PGR: variants seen among roughly 807,000 people sequenced by gnomAD.
PGR encodes progesterone receptor.
Under a neutral mutation model 76.1 loss-of-function variants are expected in PGR, and 25 were observed. That is an observed-to-expected ratio of 0.33 (90% CI 0.24 to 0.46). The LOEUF (loss-of-function observed/expected upper bound fraction) is 0.46. Ranked by LOEUF, PGR falls within the 20% of genes least tolerant of loss-of-function variation. The pLI is 1.00. For missense variants in PGR, 1,172 were observed against 1,225.3 expected (o/e 0.96, Z 0.65); for synonymous variants, 579 against 535.0 (o/e 1.08, Z -1.14).
In PGR at chr11:101,065,868, T is replaced by C. The variant is rs140588354; in HGVS notation, c.1907-3116A>G. 7.2e-5 allele frequency among the ~76,000 whole-genome samples: 11 copies of C among 151,872 alleles called. 1 individual carries two copies. The highest frequency in any genetic ancestry group is 2.7e-4 in the African/African-American group (11 of 41,416). On this transcript the variant is annotated intron_variant, in intron 3 of 7. Transcript: ENST00000325455. Reference sequence around the variant, plus strand: ...AGCTGATGGATGAGGTTTTGAGGGATTGAATCAGAAGCAGAGGTAATGATT... The same window carrying C: ...AGCTGATGGATGAGGTTTTGAGGGACTGAATCAGAAGCAGAGGTAATGATT...
chr11:101,081,298 A>G (rs1341273181), intron 3 of PGR, among the ~76,000 whole-genome samples: 1 of 151,934 alleles, frequency 6.6e-6, no homozygotes, highest in Non-Finnish European at 1.5e-5. Flanking sequence ...ACACGGTGGC[A>G]GGCACCTGTA....
intron 4 of PGR, among the ~76,000 whole-genome samples, chr11:101,058,905 C>T (rs1343686284): frequency 2.0e-5 from 3 of 152,114 alleles, no homozygotes; most frequent in Admixed American, 2.0e-4. Context: ...CTCCCGAAGG[C>T]CAGTACTTAC....
chr11:101,056,244 A>AC (rs1565335587), intron 4 of PGR, among the ~76,000 whole-genome samples: 4 of 14,394 alleles, frequency 2.8e-4, no homozygotes, highest in Non-Finnish European at 4.5e-4. Context: ...AAAAAAAAAA[A>AC]CACTTTTCCT....
chr11:101,033,296 G>A lies in PGR; in HGVS notation c.*5820C>T, dbSNP rs1186954750. ...TTCTACCTTATGGAGAACAAGCAGAGCCACATCTCTGTTTCAACAAGAATA... is the reference window on the plus strand; with the variant it reads ...TTCTACCTTATGGAGAACAAGCAGAACCACATCTCTGTTTCAACAAGAATA... On this transcript the variant is annotated 3_prime_UTR_variant, in exon 8 of 8. Transcript: ENST00000325455. 3 of 204,638 alleles carry A rather than the reference G, an allele frequency of 1.5e-5. No individual in the cohort carries two copies. The highest frequency in any genetic ancestry group is 3.0e-5 in the Non-Finnish European group (3 of 99,998). 12.7% of individuals were successfully genotyped at this position (204,638 alleles called of 1,614,324 possible).
At chr11:101,089,681 G>T (rs1168991476) in intron 3 of PGR, among the ~76,000 whole-genome samples, 1 of 148,974 alleles carries the variant, frequency 6.7e-6, no homozygotes, top group Non-Finnish European at 1.5e-5. Flanking sequence ...GAAAGCGATT[G>T]AGGGAGAAGA....
In PGR at chr11:101,129,152, G is replaced by A. The variant is rs1863019621; in HGVS notation, c.-82C>T. ...GAGGAGGGGGTTTCGGGAATATAGG[G>A]GCAGAGGGAGGAGAAAGTGGGTGTT... On this transcript the variant is annotated 5_prime_UTR_variant, in exon 1 of 8. Coordinates refer to ENST00000325455, the MANE Select transcript of PGR (RefSeq NM_000926.4). The A allele has an allele frequency of 8.3e-7, 1 of 1,210,418 alleles. No homozygotes were observed. The highest frequency in any genetic ancestry group is 1.5e-5 in the African/African-American group (1 of 65,054). 75.0% of individuals were successfully genotyped at this position (1,210,418 alleles called of 1,614,324 possible).
At chr11:101,113,817 C>T (rs1309214704) in intron 2 of PGR, among the ~76,000 whole-genome samples, 1 of 152,144 alleles carries the variant, frequency 6.6e-6, no homozygotes, top group Admixed American at 6.5e-5. Flanking sequence ...ATCTACTCTC[C>T]TTGAGCCCTT....
At chr11:101,111,430 G>C (rs1216283115) in intron 2 of PGR, among the ~76,000 whole-genome samples, 1 of 152,178 alleles carries the variant, frequency 6.6e-6, no homozygotes, top group Non-Finnish European at 1.5e-5. Context: ...TCCCTGGCAT[G>C]ACCTTCTGCC....
chr11:101,116,414 T>C (rs1344735427), intron 2 of PGR, among the ~76,000 whole-genome samples: 1 of 152,080 alleles, frequency 6.6e-6, no homozygotes, highest in Non-Finnish European at 1.5e-5. Context: ...ACCAAGTTGG[T>C]GTGTAATTGC....
At chr11:101,074,064 G>A (rs1440330099) in intron 3 of PGR, among the ~76,000 whole-genome samples, 3 of 152,254 alleles carry the variant, frequency 2.0e-5, no homozygotes, top group South Asian at 2.1e-4. Flanking sequence ...GAATATTGAT[G>A]CAAAAATCCT....
In PGR at chr11:101,101,282, T is replaced by C. The variant is rs189210212; in HGVS notation, c.1790-9406A>G. On this transcript the variant is annotated intron_variant, in intron 2 of 7. Transcript: ENST00000325455. ...TAAAAAACATGAGTACATAATGATA[T>C]GTAAGAAGAGAAAGAATGAAAGAAA... Among the ~76,000 whole-genome samples, 9 of 152,132 alleles carry C rather than the reference T, an allele frequency of 5.9e-5. No homozygotes were observed. The South Asian group carries it at 1.2e-3, about 21-fold the overall frequency.
chr11:101,117,599 G>C (rs1023721064), intron 2 of PGR, among the ~76,000 whole-genome samples: 1 of 151,256 alleles, frequency 6.6e-6, no homozygotes, highest in Non-Finnish European at 1.5e-5. Context: ...ATACTTTTAG[G>C]TTTCTTTTCT....
At position 101,038,940 on chromosome 11, in the gene PGR, T is replaced by C; in HGVS notation, c.*176A>G. Reference sequence around the variant, plus strand: ...ACAAAACAGTTAAACATTCTAATTATACTTTATAAAAGAAAATAATTAGAA... The same window carrying C: ...ACAAAACAGTTAAACATTCTAATTACACTTTATAAAAGAAAATAATTAGAA... On this transcript the variant is annotated 3_prime_UTR_variant, in exon 8 of 8. Coordinates refer to ENST00000325455, the MANE Select transcript of PGR (RefSeq NM_000926.4). The C allele has an allele frequency of 1.8e-6, 1 of 542,794 alleles. No homozygotes were observed. The highest frequency in any genetic ancestry group is 3.0e-5 in the East Asian group (1 of 33,224). 33.6% of individuals were successfully genotyped at this position (542,794 alleles called of 1,614,324 possible). A position where few individuals can be genotyped will look rare whatever the true frequency, so the allele number is the denominator to read the frequency against.
At chr11:101,122,201 C>A (rs1247912668) in intron 2 of PGR, among the ~76,000 whole-genome samples, 1 of 148,564 alleles carries the variant, frequency 6.7e-6, no homozygotes, top group Non-Finnish European at 1.5e-5. Flanking sequence ...AATTGAAAAT[C>A]CTTCAATACC....
chr11:101,076,634 G>T (rs1018682262), intron 3 of PGR, among the ~76,000 whole-genome samples: 3 of 151,828 alleles, frequency 2.0e-5, no homozygotes, highest in Admixed American at 2.0e-4. Context: ...ACTATGAGAA[G>T]AAATTTTTAT....
chr11:101,089,212 T>G (rs1861595991), intron 3 of PGR, among the ~76,000 whole-genome samples: 1 of 151,638 alleles, frequency 6.6e-6, no homozygotes, highest in Non-Finnish European at 1.5e-5. Flanking sequence ...CTGCGATAGC[T>G]GGAAAAAAAT....
chr11:101,095,979 T>C (rs1043201578), intron 2 of PGR, among the ~76,000 whole-genome samples: 1 of 152,198 alleles, frequency 6.6e-6, no homozygotes, highest in Non-Finnish European at 1.5e-5. Flanking sequence ...ACAGATACGT[T>C]ATAGCAGACA....
intron 3 of PGR, among the ~76,000 whole-genome samples, chr11:101,084,907 G>A (rs1206618292): frequency 6.6e-6 from 1 of 152,098 alleles, no homozygotes; most frequent in Non-Finnish European, 1.5e-5. Context: ...TCAATAAGAA[G>A]ATTTAACTAT....
intron 4 of PGR, among the ~76,000 whole-genome samples, chr11:101,055,250 T>C (rs575314805): frequency 1.3e-5 from 2 of 151,738 alleles, no homozygotes; most frequent in Admixed American, 6.6e-5. Flanking sequence ...CTGTCTCTAC[T>C]AAAAATACAA....
Sources: gnomAD v4.1 joint callset for allele counts (sites outside exome capture counted in the v4.1 genomes callset) on GRCh38, gnomAD v4.1.1 for gene constraint, MANE v1.5 for transcripts, NCBI Gene and HGNC (gene_info 2026-07-23, HGNC 2026-07-21) for gene names.